The following CPA6 variants were observed in gnomAD, a reference collection of about 807,000 sequenced individuals.
The protein encoded by CPA6 is carboxypeptidase B.
Under a neutral mutation model 63.3 loss-of-function variants are expected in CPA6, and 58 were observed. The ratio of observed to expected loss-of-function variants is 0.92; its 90% CI spans 0.74 to 1.14. The LOEUF is 1.14. CPA6 is among the 50% of genes most tolerant of loss of function. The probability of loss-of-function intolerance (pLI) is 0.00; values close to 1 mark genes in which losing one functional copy is unlikely to be tolerated. For missense variants in CPA6, 565 were observed against 526.6 expected (o/e 1.07, Z -0.71); for synonymous variants, 185 against 179.0 (o/e 1.03, Z -0.27).
intron 1 of CPA6, among the ~76,000 whole-genome samples, chr8:67,745,342 T>C (rs977716431): frequency 6.6e-6 from 1 of 152,228 alleles, no homozygotes; most frequent in Non-Finnish European, 1.5e-5. Context: ...ATAATAAGAA[T>C]GTGCATAGTA....
intron 1 of CPA6, among the ~76,000 whole-genome samples, chr8:67,678,227 T>TCTCACACA (rs1816519973): frequency 7.8e-6 from 1 of 127,592 alleles, no homozygotes; most frequent in Non-Finnish European, 1.6e-5. Context: ...AAACTCTGTC[T>TCTCACACA]CACACACACA....
intron 2 of CPA6, among the ~76,000 whole-genome samples, chr8:67,530,225 A>G (rs1367374508): frequency 6.6e-6 from 1 of 152,080 alleles, no homozygotes; most frequent in Non-Finnish European, 1.5e-5. Flanking sequence ...AGGAAAAAAA[A>G]AAAAATAAGG....
chr8:67,525,352 G>C (rs987433562), intron 2 of CPA6, among the ~76,000 whole-genome samples: 1 of 152,078 alleles, frequency 6.6e-6, no homozygotes, highest in African/African-American at 2.4e-5. Flanking sequence ...CAACTAATTA[G>C]GCGTTGAAAT....
At chr8:67,704,939 T>C (rs1347324322) in intron 1 of CPA6, among the ~76,000 whole-genome samples, 2 of 152,126 alleles carry the variant, frequency 1.3e-5, no homozygotes, top group African/African-American at 4.8e-5. Context: ...GCCCCTATGA[T>C]GGAAATCCTC....
chr8:67,569,827 C>A (rs566405591), intron 2 of CPA6: 2 of 185,610 alleles, frequency 1.1e-5, no homozygotes, highest in Non-Finnish European at 2.2e-5. Flanking sequence ...GCACAGCTAG[C>A]GGCTACTGAG....
At chr8:67,685,343 C>A (rs1174415218) in intron 1 of CPA6, among the ~76,000 whole-genome samples, 1 of 152,136 alleles carries the variant, frequency 6.6e-6, no homozygotes, top group Non-Finnish European at 1.5e-5. Flanking sequence ...GCTGGCCGGG[C>A]GCAGTGGCTC....
chr8:67,613,156 C>G (rs1168748365), intron 2 of CPA6, among the ~76,000 whole-genome samples: 1 of 152,206 alleles, frequency 6.6e-6, no homozygotes, highest in Non-Finnish European at 1.5e-5. Flanking sequence ...ATAATTTCCC[C>G]TACCTCATAC....
chr8:67,582,264 T>C (rs1243911218), intron 2 of CPA6, among the ~76,000 whole-genome samples: 1 of 152,142 alleles, frequency 6.6e-6, no homozygotes, highest in Non-Finnish European at 1.5e-5. Context: ...ATATATGGGA[T>C]GGCTGATAGA....
chr8:67,604,012 G>A (rs72657245), intron 2 of CPA6, among the ~76,000 whole-genome samples: 13,129 of 152,294 alleles, frequency 0.086, 601 homozygotes, highest in Middle Eastern at 0.17. Context: ...ATTGGAAAGG[G>A]TGAAATGATG....
intron 1 of CPA6, among the ~76,000 whole-genome samples, chr8:67,677,345 T>C (rs1816498800): frequency 6.8e-6 from 1 of 147,556 alleles, no homozygotes; most frequent in Non-Finnish European, 1.5e-5. Flanking sequence ...ACACCTTCTT[T>C]TTTTTTTTTT....
intron 8 of CPA6, among the ~76,000 whole-genome samples, chr8:67,438,783 T>G (rs1810221579): frequency 6.6e-6 from 1 of 150,910 alleles, no homozygotes; most frequent in African/African-American, 2.4e-5. Context: ...AAGAGGGAGG[T>G]GGGCAGGGAA....
At chr8:67,492,485 T>TA (rs1811627708) in intron 6 of CPA6, among the ~76,000 whole-genome samples, 1 of 152,134 alleles carries the variant, frequency 6.6e-6, no homozygotes, top group African/African-American at 2.4e-5. Flanking sequence ...GTTTTTTTTT[T>TA]ACAAAGAAAT....
At chr8:67,650,153 G>A (rs1587669691) in intron 1 of CPA6, among the ~76,000 whole-genome samples, 1 of 151,992 alleles carries the variant, frequency 6.6e-6, no homozygotes, top group Non-Finnish European at 1.5e-5. Context: ...CTTTTTTGGT[G>A]GTGAGACTGC....
At chr8:67,626,312 T>C (rs1450659783) in intron 1 of CPA6, among the ~76,000 whole-genome samples, 1 of 152,188 alleles carries the variant, frequency 6.6e-6, no homozygotes, top group Non-Finnish European at 1.5e-5. Context: ...TGGGCAATGA[T>C]TTTTTAGGGC....
At chr8:67,679,563 T>C (rs1418183813) in intron 1 of CPA6, among the ~76,000 whole-genome samples, 1 of 152,320 alleles carries the variant, frequency 6.6e-6, no homozygotes, top group East Asian at 1.9e-4. Context: ...CTTATGCTAG[T>C]CAGTTTGATA....
chr8:67,617,059 T>G (rs1230490640), intron 2 of CPA6, among the ~76,000 whole-genome samples: 1 of 152,212 alleles, frequency 6.6e-6, no homozygotes, highest in African/African-American at 2.4e-5. Flanking sequence ...ATTGTTTAAA[T>G]GTCAAAACTT....
At position 67,626,648 on chromosome 8, in the gene CPA6, T is replaced by C. The variant is rs549321511; in HGVS notation, c.117-2397A>G. On this transcript the variant is annotated intron_variant, in intron 1 of 10. Coordinates refer to ENST00000297770, the MANE Select transcript of CPA6 (RefSeq NM_020361.5). Reference sequence around the variant, plus strand: ...TCTTCTCTTTTCTGATATACATTTCTCTGACCTGTGTTTTTTCTGGATTCA... The same window carrying C: ...TCTTCTCTTTTCTGATATACATTTCCCTGACCTGTGTTTTTTCTGGATTCA... Among the ~76,000 whole-genome samples the C allele has an allele frequency of 2.0e-5, 3 of 152,364 alleles. No homozygotes were observed. The South Asian group carries it at 6.2e-4, about 32-fold the overall frequency.
At chr8:67,656,394 C>T (rs1563379900) in intron 1 of CPA6, among the ~76,000 whole-genome samples, 1 of 152,152 alleles carries the variant, frequency 6.6e-6, no homozygotes, top group African/African-American at 2.4e-5. Flanking sequence ...ACAAATGTTA[C>T]AGGGCAGGAA....
At chr8:67,682,328 A>T (rs942560162) in intron 1 of CPA6, among the ~76,000 whole-genome samples, 4 of 151,922 alleles carry the variant, frequency 2.6e-5, no homozygotes, top group African/African-American at 9.7e-5. Context: ...TATTCACCCC[A>T]TTCACTAAGT....
Sources: allele counts gnomAD v4.1 joint callset (sites outside exome capture counted in the v4.1 genomes callset), GRCh38; gene constraint gnomAD v4.1.1; transcripts MANE v1.5; gene names NCBI Gene and HGNC (gene_info 2026-07-23, HGNC 2026-07-21).